The following VWA5B1 variants were observed in gnomAD, a reference collection of about 807,000 sequenced individuals.
The protein encoded by VWA5B1 is von Willebrand factor A domain-containing protein 5B1.
VWA5B1 carries 115 observed loss-of-function variants against 118.2 expected under a neutral mutation model. That is an observed-to-expected ratio of 0.97 (90% confidence interval 0.84 to 1.14). The LOEUF (loss-of-function observed/expected upper bound fraction) is 1.14, where lower values mean the gene tolerates loss of function less well. Ranked by LOEUF, VWA5B1 falls within the 50% of genes most tolerant of loss-of-function variation. VWA5B1 has a pLI of 0.00. For missense variants in VWA5B1, 1,596 were observed against 1,603.8 expected (o/e 1.00, Z 0.08); for synonymous variants, 682 against 658.4 (o/e 1.04, Z -0.55).
intron 1 of VWA5B1, among the ~76,000 whole-genome samples, chr1:20,307,215 T>C (rs1175873518): frequency 1.3e-5 from 2 of 152,244 alleles, no homozygotes; most frequent in Admixed American, 1.3e-4. Context: ...GACTGAGCCC[T>C]GGCTTCCCAC....
chr1:20,336,402 T>G lies in VWA5B1; in HGVS notation c.1858T>G (p.Cys620Gly), dbSNP rs1411849998. Residue 620 changes from cysteine to glycine, a missense_variant, in exon 13 of 22, where the codon TGT becomes GGT. Transcript: ENST00000289815. Reference sequence around the variant, plus strand: ...CGGACCCGGGCTGGAAGGTGGAGACTGTGCCAAGAACTCGGGGGCACCCTT... The same window carrying G: ...CGGACCCGGGCTGGAAGGTGGAGACGGTGCCAAGAACTCGGGGGCACCCTT... ...DDGPGLEGGD[C>G]AKNSGAPFIL... 1 of 1,528,738 alleles carries G rather than the reference T, an allele frequency of 6.5e-7. No homozygotes were observed. Among genetic ancestry groups the G allele is most frequent in the East Asian group, 2.5e-5 (1 of 39,920 alleles). 94.7% of individuals were successfully genotyped at this position (1,528,738 alleles called of 1,614,324 possible). A position where few individuals can be genotyped will look rare whatever the true frequency, so the allele number is the denominator to read the frequency against.
chr1:20,353,612 A>C, intron 21 of VWA5B1, 145 bp from the exon 22 acceptor site: 97 of 1,029,780 alleles, frequency 9.4e-5, no homozygotes, highest in Non-Finnish European at 1.1e-4. Flanking sequence ...GATAAAGGAT[A>C]GAGATGCTCA....
At chr1:20,320,188 T>C (rs1176364978) in intron 7 of VWA5B1, among the ~76,000 whole-genome samples, 1 of 152,042 alleles carries the variant, frequency 6.6e-6, no homozygotes, top group African/African-American at 2.4e-5. Context: ...CCTTTTTAGA[T>C]GAGAAAACTG....
chr1:20,352,486 C>T (rs1333512894), intron 21 of VWA5B1, among the ~76,000 whole-genome samples: 3 of 152,194 alleles, frequency 2.0e-5, no homozygotes, highest in Non-Finnish European at 2.9e-5. Flanking sequence ...TTCTACTCCA[C>T]GCATCTATGT....
chr1:20,297,996 ATTT>A (rs60497976), intron 1 of VWA5B1, among the ~76,000 whole-genome samples: 6,066 of 126,612 alleles, frequency 0.048, 142 homozygotes, highest in Admixed American at 0.08. Flanking sequence ...TCGGTGGTGG[ATTT>A]TTTTTTTTTT....
intron 8 of VWA5B1, among the ~76,000 whole-genome samples, chr1:20,326,974 C>T (rs1362271397): frequency 6.6e-6 from 1 of 152,132 alleles, no homozygotes; most frequent in Non-Finnish European, 1.5e-5. Context: ...ATAGTAATTG[C>T]TTGATATTTA....
At chr1:20,315,496 T>C (rs1031076356) in intron 4 of VWA5B1, among the ~76,000 whole-genome samples, 3 of 152,226 alleles carry the variant, frequency 2.0e-5, no homozygotes, top group African/African-American at 4.8e-5. Context: ...GAGATCATTT[T>C]CTATGAAAAT....
intron 18 of VWA5B1, among the ~76,000 whole-genome samples, 179 bp from the exon 19 acceptor site, chr1:20,349,977 A>G (rs2090092830): frequency 6.6e-6 from 1 of 152,014 alleles, no homozygotes; most frequent in Admixed American, 6.6e-5. Flanking sequence ...GTCTAACCTT[A>G]TGGTGGGGCA....
At chr1:20,346,153 G>A (rs1372788218) in intron 17 of VWA5B1, among the ~76,000 whole-genome samples, 4 of 152,214 alleles carry the variant, frequency 2.6e-5, no homozygotes, top group African/African-American at 7.2e-5. Flanking sequence ...GCAGGGAGCT[G>A]TCATCCTCAG....
chr1:20,329,732 A>C (rs924927530), intron 9 of VWA5B1, among the ~76,000 whole-genome samples: 31 of 152,018 alleles, frequency 2.0e-4, no homozygotes, highest in African/African-American at 7.2e-4. Flanking sequence ...AGAGCAAGGA[A>C]ATCTGAAGCC....
chr1:20,358,011 C>T lies in VWA5B1; in HGVS notation c.*3748C>T, dbSNP rs12048103. Among the ~76,000 whole-genome samples the T allele has an allele frequency of 6.6e-6, 1 of 152,116 alleles. No homozygotes were observed. The highest frequency in any genetic ancestry group is 6.5e-5 in the Admixed American group (1 of 15,288). On this transcript the variant is annotated 3_prime_UTR_variant, in exon 22 of 22. Coordinates refer to ENST00000289815, the MANE Select transcript of VWA5B1 (RefSeq NM_001039500.3). ...GAACCCTGTCTCAGGCCCCTCAGCT[C>T]GAGACCAACTCCAGATGCCAGGATA...
chr1:20,319,518 T>C lies in VWA5B1; in HGVS notation c.966+12T>C, dbSNP rs1035964658. 3.9e-6 allele frequency: 6 copies of C among 1,551,250 alleles called. No homozygotes were observed. The highest frequency in any genetic ancestry group is 5.2e-6 in the Non-Finnish European group (6 of 1,146,938). ...GAGCAGAGCGGAAGGTGAGGGCAAC[T>C]GAGGTGGGGAGCGGACGGTGGCAGA... On this transcript the variant is annotated intron_variant, in intron 7 of 21. Coordinates refer to ENST00000289815, the MANE Select transcript of VWA5B1 (RefSeq NM_001039500.3).
intron 8 of VWA5B1, 41 bp downstream of exon 8, chr1:20,323,573 A>G (rs764708596): frequency 1.3e-5 from 18 of 1,341,494 alleles, no homozygotes; most frequent in Non-Finnish European, 1.5e-5. Context: ...CCGGGGCTCC[A>G]GGGGAAATCA....
Position 20,317,506 on chromosome 1 carries a change from T to A in VWA5B1, c.564-24T>A, listed in dbSNP as rs770562820. 12 of 1,549,872 alleles carry A rather than the reference T, an allele frequency of 7.7e-6. No individual in the cohort carries two copies. In the African/African-American group the frequency reaches 1.6e-4, roughly 21 times the overall value. ...CTTCTTCCACCCTGGCTGGTCTCCT[T>A]TCCTTCCCCCGGCCCTTTTCCAGCA... On this transcript the variant is annotated intron_variant, in intron 4 of 21. Transcript: ENST00000289815.
chr1:20,313,843 A>G (rs1443093870), intron 3 of VWA5B1, among the ~76,000 whole-genome samples: 3 of 152,158 alleles, frequency 2.0e-5, no homozygotes, highest in Admixed American at 2.0e-4. Flanking sequence ...TGGCTGTGTC[A>G]AGAGAGGTTG....
At chr1:20,351,090 G>A (rs928718128) in intron 20 of VWA5B1, among the ~76,000 whole-genome samples, 164 bp downstream of exon 20, 4 of 152,092 alleles carry the variant, frequency 2.6e-5, no homozygotes, top group Non-Finnish European at 5.9e-5. Flanking sequence ...TGTCTCCCAG[G>A]TCTCACCCTA....
chr1:20,318,768 A>G, intron 6 of VWA5B1, 47 bp downstream of exon 6: 1 of 1,444,756 alleles, frequency 6.9e-7, no homozygotes, highest in Non-Finnish European at 9.1e-7. Flanking sequence ...GGGAGGGAGG[A>G]GGTGCTGATC....
At chr1:20,322,634 G>A (rs2100889103) in intron 7 of VWA5B1, among the ~76,000 whole-genome samples, 1 of 152,276 alleles carries the variant, frequency 6.6e-6, no homozygotes, top group Middle Eastern at 3.4e-3. Context: ...AAACTATTCG[G>A]TGTGAGAAGT....
At chr1:20,300,922 C>G (rs2088490689) in intron 1 of VWA5B1, among the ~76,000 whole-genome samples, 1 of 152,214 alleles carries the variant, frequency 6.6e-6, no homozygotes, top group Non-Finnish European at 1.5e-5. Context: ...GGGTCCCAGT[C>G]TGGGGTTCAC....
Sources: gnomAD v4.1 joint callset for allele counts (sites outside exome capture counted in the v4.1 genomes callset) on GRCh38, gnomAD v4.1.1 for gene constraint, MANE v1.5 for transcripts, NCBI Gene and HGNC (gene_info 2026-07-23, HGNC 2026-07-21) for gene names.